SYNPO2: variants seen among roughly 807,000 people sequenced by gnomAD.
SYNPO2 encodes synaptopodin-2.
Under a neutral mutation model 85.0 loss-of-function variants are expected in SYNPO2, and 56 were observed. The observed-to-expected ratio is 0.66, with a 90% confidence interval of 0.53 to 0.82. The LOEUF (loss-of-function observed/expected upper bound fraction) is 0.82. Among genes scored for constraint, SYNPO2 ranks in the 40% least tolerant of loss-of-function variants. SYNPO2 has a pLI of 0.00. For synonymous variants in SYNPO2, 602 were observed against 591.1 expected (o/e 1.02, Z -0.27); for missense variants, 1,575 against 1,534.2 (o/e 1.03, Z -0.44).
chr4:118,885,620 G>C (rs1418758541), upstream of SYNPO2, among the ~76,000 whole-genome samples: 2 of 152,002 alleles, frequency 1.3e-5, no homozygotes, highest in African/African-American at 2.4e-5. Flanking sequence ...TTACAGGTGT[G>C]CACCACCACG....
At chr4:119,007,229 T>TGTATATAC (rs1716940918) in intron 1 of SYNPO2, among the ~76,000 whole-genome samples, 7 of 48,050 alleles carry the variant, frequency 1.5e-4, no homozygotes, top group South Asian at 7.2e-4. Context: ...TATATATATA[T>TGTATATAC]ATATATATAT....
intron 1 of SYNPO2, among the ~76,000 whole-genome samples, chr4:118,863,105 G>A (rs1207801271): frequency 1.3e-5 from 2 of 152,034 alleles, no homozygotes; most frequent in Non-Finnish European, 1.5e-5. Context: ...CCCTGCACCC[G>A]GACTTTTTCT....
At chr4:118,952,936 A>T (rs900408590) in intron 1 of SYNPO2, among the ~76,000 whole-genome samples, 8 of 152,310 alleles carry the variant, frequency 5.3e-5, no homozygotes, top group South Asian at 2.1e-4. Context: ...GATAATTTTT[A>T]AAAAATTATA....
chr4:119,056,762 G>A (rs1380022484), intron 4 of SYNPO2, among the ~76,000 whole-genome samples: 1 of 152,126 alleles, frequency 6.6e-6, no homozygotes, highest in Admixed American at 6.5e-5. Flanking sequence ...AAAAATCCAT[G>A]TGATCGTCAC....
chr4:119,015,971 C>T (rs1212072846), intron 1 of SYNPO2, among the ~76,000 whole-genome samples: 1 of 152,196 alleles, frequency 6.6e-6, no homozygotes, highest in African/African-American at 2.4e-5. Flanking sequence ...TTTCTCCCCA[C>T]TTCTAATTTT....
At chr4:118,917,921 C>T (rs1733406696) in intron 1 of SYNPO2, among the ~76,000 whole-genome samples, 1 of 152,106 alleles carries the variant, frequency 6.6e-6, no homozygotes, top group African/African-American at 2.4e-5. Context: ...TATATAGTAG[C>T]AGGCCCTATA....
chr4:118,913,812 C>G (rs549525758), intron 1 of SYNPO2, among the ~76,000 whole-genome samples: 1 of 152,296 alleles, frequency 6.6e-6, no homozygotes, highest in South Asian at 2.1e-4. Context: ...TTAAAAGTCT[C>G]TGTCTTCTTC....
At chr4:119,033,283 C>T (rs1029584691) in intron 4 of SYNPO2, 1 of 985,378 alleles carries the variant, frequency 1.0e-6, no homozygotes, top group Non-Finnish European at 1.2e-6. Flanking sequence ...ACAACTGCTT[C>T]TCCCACGTTC....
intron 1 of SYNPO2, among the ~76,000 whole-genome samples, chr4:118,899,244 A>G (rs942809025): frequency 5.9e-5 from 9 of 152,246 alleles, no homozygotes; most frequent in African/African-American, 2.2e-4. Context: ...ATATATGTAC[A>G]TGTACTGATG....
intron 1 of SYNPO2, among the ~76,000 whole-genome samples, chr4:118,968,558 C>A (rs1578595415): frequency 6.6e-6 from 1 of 152,156 alleles, no homozygotes; most frequent in African/African-American, 2.4e-5. Context: ...ATTTGCCTTG[C>A]CATTTAGTAA....
intron 1 of SYNPO2, among the ~76,000 whole-genome samples, chr4:118,945,562 A>G (rs1013058312): frequency 6.6e-6 from 1 of 152,202 alleles, no homozygotes; most frequent in Non-Finnish European, 1.5e-5. Flanking sequence ...TGCAGATTTC[A>G]AAAAGCAAGA....
intron 1 of SYNPO2, among the ~76,000 whole-genome samples, chr4:118,909,249 G>C (rs981145963): frequency 4.6e-5 from 7 of 152,216 alleles, no homozygotes; most frequent in African/African-American, 1.7e-4. Context: ...CGGGGGATGA[G>C]AACTGACATA....
intron 4 of SYNPO2, among the ~76,000 whole-genome samples, chr4:119,039,294 T>A (rs1474951911): frequency 2.8e-4 from 42 of 152,106 alleles, no homozygotes; most frequent in Admixed American, 2.8e-3. Flanking sequence ...TCAAACTCTA[T>A]GGCCATCATC....
At chr4:118,879,442 C>T (rs939929316) in intron 1 of SYNPO2, among the ~76,000 whole-genome samples, 8 of 152,100 alleles carry the variant, frequency 5.3e-5, no homozygotes, top group African/African-American at 1.7e-4. Flanking sequence ...GGATAGAGCC[C>T]TTGTGAATGG....
intron 1 of SYNPO2, among the ~76,000 whole-genome samples, chr4:118,892,264 A>G (rs1732401740): frequency 6.6e-6 from 1 of 152,190 alleles, no homozygotes; most frequent in Non-Finnish European, 1.5e-5. Flanking sequence ...TAAAAAATAA[A>G]CCAAATTTTT....
intron 1 of SYNPO2, among the ~76,000 whole-genome samples, chr4:118,971,788 C>T (rs1735550489): frequency 6.6e-6 from 1 of 152,170 alleles, no homozygotes; most frequent in South Asian, 2.1e-4. Context: ...CTCAATGACT[C>T]AGTCTCTCTT....
intron 1 of SYNPO2, among the ~76,000 whole-genome samples, chr4:118,895,573 A>AC: frequency 6.6e-6 from 1 of 152,072 alleles, no homozygotes; most frequent in East Asian, 1.9e-4. Flanking sequence ...TCTCTTCTGT[A>AC]CCCCCTACAA....
Position 118,888,976 on chromosome 4 carries a change from A to G in SYNPO2, c.-61A>G, listed in dbSNP as rs1732273336. 6.5e-7 allele frequency: 1 copy of G among 1,549,478 alleles called. No individual in the cohort carries two copies. The highest frequency in any genetic ancestry group is 1.1e-5 in the South Asian group (1 of 89,444). The stretch of plus-strand genomic sequence containing the variant: ...GCCCGAAGCTGAGTGCGCATCCTCT[A>G]CCGCACCCAAGCTTCGTCTGTCTCG... On this transcript the variant is annotated 5_prime_UTR_variant, in exon 1 of 5. Transcript: ENST00000307142.
intron 1 of SYNPO2, among the ~76,000 whole-genome samples, chr4:118,975,497 A>G (rs1735689318): frequency 6.6e-6 from 1 of 152,216 alleles, no homozygotes; most frequent in South Asian, 2.1e-4. Context: ...GACTTGGGAT[A>G]TCTACTAACA....
Sources: gnomAD v4.1 joint callset for allele counts (sites outside exome capture counted in the v4.1 genomes callset) on GRCh38, gnomAD v4.1.1 for gene constraint, MANE v1.5 for transcripts, NCBI Gene and HGNC (gene_info 2026-07-23, HGNC 2026-07-21) for gene names.